The following ACACB variants were observed in gnomAD, a reference collection of about 807,000 sequenced individuals.
ACACB encodes the protein acetyl-CoA carboxylase 2.
A neutral mutation model predicts 278.8 loss-of-function variants in ACACB; 209 were observed. The ratio of observed to expected loss-of-function variants is 0.75; its 90% CI spans 0.67 to 0.84. ACACB has a LOEUF of 0.84. Ranked by LOEUF, ACACB falls within the 40% of genes least tolerant of loss-of-function variation. The pLI is 0.00. For missense variants in ACACB, 2,850 were observed against 3,269.0 expected (o/e 0.87, Z 3.13); for synonymous variants, 1,174 against 1,285.6 (o/e 0.91, Z 1.86).
chr12:109,223,722 A>T, intron 26 of ACACB, 93 bp from the exon 27 acceptor site: 1 of 1,163,884 alleles, frequency 8.6e-7, no homozygotes, highest in Non-Finnish European at 1.3e-6. Context: ...TGATCACACC[A>T]CTGCACTCCA....
chr12:109,264,122 C>T (rs570865605), intron 49 of ACACB, 110 bp from the exon 50 acceptor site: 22 of 1,268,122 alleles, frequency 1.7e-5, no homozygotes, highest in Admixed American at 2.1e-5. Context: ...CAAGGCAAGG[C>T]CTGTCCTGCA....
At chr12:109,258,029 C>T (rs2047275030) in intron 45 of ACACB, among the ~76,000 whole-genome samples, 1 of 152,226 alleles carries the variant, frequency 6.6e-6, no homozygotes, top group Admixed American at 6.5e-5. Flanking sequence ...TCATGCTGCT[C>T]CAGGCCCTAT....
intron 19 of ACACB, among the ~76,000 whole-genome samples, chr12:109,202,418 G>A (rs990093021): frequency 6.6e-6 from 1 of 152,004 alleles, no homozygotes; most frequent in African/African-American, 2.4e-5. Context: ...TGGTTCAAGT[G>A]ATTCTTCTGC....
At position 109,247,642 on chromosome 12, in the gene ACACB, A is replaced by G. The variant is rs760349515; in HGVS notation, c.5608A>G (p.Thr1870Ala). ...KYLYLTPQDY[T>A]RISSLNSVHC... ...CCTGTACCTGACTCCCCAAGACTAC[A>G]CCAGAATCAGCTCCCTGAACTCCGT... Residue 1870 changes from threonine (T) to alanine (A), a missense_variant, in exon 40 of 53, where the codon ACC (threonine) becomes GCC (alanine). Coordinates refer to ENST00000338432, the MANE Select transcript of ACACB (RefSeq NM_001093.4). 1 of 1,614,030 alleles carries G rather than the reference A, an allele frequency of 6.2e-7. No homozygotes were observed. Among genetic ancestry groups the G allele is most frequent in the South Asian group, 1.1e-5 (1 of 91,086 alleles).
chr12:109,134,102 C>T (rs1279627519), intron 1 of ACACB, among the ~76,000 whole-genome samples: 1 of 151,802 alleles, frequency 6.6e-6, no homozygotes, highest in Non-Finnish European at 1.5e-5. Flanking sequence ...TTTTTGAGCT[C>T]TTACTCTGTG....
intron 19 of ACACB, among the ~76,000 whole-genome samples, chr12:109,204,022 CT>C (rs1565918079): frequency 6.6e-6 from 1 of 151,890 alleles, no homozygotes; most frequent in Non-Finnish European, 1.5e-5. Flanking sequence ...TATTTGTTTT[CT>C]TTTTTAAAAA....
intron 31 of ACACB, among the ~76,000 whole-genome samples, chr12:109,235,050 G>A (rs1265089277): frequency 6.6e-6 from 1 of 152,024 alleles, no homozygotes; most frequent in Non-Finnish European, 1.5e-5. Context: ...GTACCTGTTA[G>A]CAGTCACTCC....
In ACACB at chr12:109,166,980, G is replaced by T; in HGVS notation, c.773G>T (p.Arg258Leu). 1 of 1,613,960 alleles carries T rather than the reference G, an allele frequency of 6.2e-7. No homozygotes were observed. Among genetic ancestry groups the T allele is most frequent in the South Asian group, 1.1e-5 (1 of 91,050 alleles). The change falls in exon 3 of 53, where the codon CGG (arginine) becomes CTG (leucine). Residue 258 changes from arginine to leucine, a missense_variant. Around this residue, in one of 3 missense-constraint regions of ACACB, gnomAD observed 2,265 missense variants for 2,561.3 expected, o/e 0.88. Coordinates refer to ENST00000338432, the MANE Select transcript of ACACB (RefSeq NM_001093.4). Reference protein sequence around the residue: ...AEFVTRFGGDRVIEKVLIANN... With the variant: ...AEFVTRFGGDLVIEKVLIANN... ...TTTGTCACACGCTTTGGGGGGGATCGGGTCATCGAGAAGGTACAGATGGGT... is the reference window on the plus strand; with the variant it reads ...TTTGTCACACGCTTTGGGGGGGATCTGGTCATCGAGAAGGTACAGATGGGT...
intron 26 of ACACB, among the ~76,000 whole-genome samples, chr12:109,223,384 G>A (rs2046230665): frequency 6.6e-6 from 1 of 152,122 alleles, no homozygotes; most frequent in South Asian, 2.1e-4. Context: ...GCGCGCTGCA[G>A]GGCACTGATC....
intron 24 of ACACB, 89 bp downstream of exon 24, chr12:109,217,009 C>T (rs573547998): frequency 4.6e-5 from 69 of 1,489,246 alleles, no homozygotes; most frequent in Middle Eastern, 2.5e-4. Context: ...TGGCTGGGTG[C>T]GGTGGCTCAT....
intron 2 of ACACB, among the ~76,000 whole-genome samples, chr12:109,151,040 A>G (rs1379123767): frequency 7.0e-6 from 1 of 143,172 alleles, no homozygotes; most frequent in African/African-American, 2.6e-5. Flanking sequence ...GTGCAGTGGC[A>G]CAATTTCAGC....
At chr12:109,223,665 G>T in intron 26 of ACACB, 150 bp from the exon 27 acceptor site, 1 of 712,984 alleles carries the variant, frequency 1.4e-6, no homozygotes, top group East Asian at 2.6e-5. Flanking sequence ...AAGAGGTTGA[G>T]GTGGGGAGAT....
At chr12:109,245,774 C>G (rs2046924706) in intron 38 of ACACB, 26 bp downstream of exon 38, 2 of 1,610,180 alleles carry the variant, frequency 1.2e-6, no homozygotes, top group Admixed American at 1.7e-5. Context: ...AGCCTAACCC[C>G]TGGCTGGAGT....
At chr12:109,185,841 G>C in intron 12 of ACACB, 101 bp downstream of exon 12, 1 of 1,238,232 alleles carries the variant, frequency 8.1e-7, no homozygotes, top group Non-Finnish European at 1.1e-6. Flanking sequence ...AGCTATCCAG[G>C]CATCTCAGTT....
Position 109,222,356 on chromosome 12 carries a change from T to C in ACACB, c.3565-151T>C, listed in dbSNP as rs551285478. ...GGGGTGGGTGCACAGTAGAAAGTGGTGAGGGTTTGCATAACAGGCTGTGCT... is the reference window on the plus strand; with the variant it reads ...GGGGTGGGTGCACAGTAGAAAGTGGCGAGGGTTTGCATAACAGGCTGTGCT... On this transcript the variant is annotated intron_variant, in intron 24 of 52. Transcript: ENST00000338432. 3.1e-5 allele frequency: 20 copies of C among 644,022 alleles called. No homozygotes were observed. In the African/African-American group the frequency reaches 3.3e-4, roughly 11 times the overall value. 39.9% of individuals were successfully genotyped at this position (644,022 alleles called of 1,614,324 possible).
At position 109,132,639 on chromosome 12, in the gene ACACB, G is replaced by A. The variant is rs368793278; in HGVS notation, c.-9-6758G>A. ...ATTCGTATCCCCATTTTATAGATGA[G>A]GAAACTGAGGCTCAGAGAGTTTCTT... On this transcript the variant is annotated intron_variant, in intron 1 of 52. Coordinates refer to ENST00000338432, the MANE Select transcript of ACACB (RefSeq NM_001093.4). Among the ~76,000 whole-genome samples the A allele has an allele frequency of 1.8e-4, 27 of 152,136 alleles. 2 individuals carry two copies. The East Asian group carries it at 3.5e-3, about 20-fold the overall frequency.
rs369117026 is a variant in ACACB, at chr12:109,251,225, T to G, written c.5791-821T>G. Among the ~76,000 whole-genome samples, 118 of 152,278 alleles carry G rather than the reference T, an allele frequency of 7.7e-4. 2 individuals are homozygous for G. In the South Asian group the frequency reaches 0.022, roughly 29 times the overall value. On this transcript the variant is annotated intron_variant, in intron 41 of 52. Coordinates refer to ENST00000338432, the MANE Select transcript of ACACB (RefSeq NM_001093.4). ...CAGGTGTTTTCTATCTATCAGGAGA[T>G]TGCCTTTCCCTGGAGCCAGCTGTGA... is the stretch of plus-strand genomic sequence containing the variant.
At chr12:109,187,953 T>C in intron 12 of ACACB, 46 bp from the exon 13 acceptor site, 1 of 1,570,916 alleles carries the variant, frequency 6.4e-7, no homozygotes. Context: ...AAAATATATC[T>C]GGAGTAATGA....
chr12:109,221,798 G>A (rs1437702611), intron 24 of ACACB, among the ~76,000 whole-genome samples: 2 of 151,920 alleles, frequency 1.3e-5, no homozygotes, highest in Non-Finnish European at 2.9e-5. Context: ...GTGGGGGTGG[G>A]AGAATTTGGG....
Sources: gnomAD v4.1 joint callset for allele counts (sites outside exome capture counted in the v4.1 genomes callset) on GRCh38, gnomAD v4.1.1 for gene constraint, gnomAD v4.1.1 regional missense constraint, MANE v1.5 for transcripts, NCBI Gene and HGNC (gene_info 2026-07-23, HGNC 2026-07-21) for gene names.